MEGF10: variants seen among roughly 807,000 people sequenced by gnomAD.
MEGF10 encodes the protein multiple epidermal growth factor-like domains protein 10.
Under a neutral mutation model 147.5 loss-of-function variants are expected in MEGF10, and 86 were observed. That is an observed-to-expected ratio of 0.58 (90% CI 0.49 to 0.70). The LOEUF is 0.70. Ranked by LOEUF, MEGF10 falls within the 30% of genes least tolerant of loss-of-function variation. MEGF10 has a pLI of 0.00. For missense variants in MEGF10, 1,329 were observed against 1,487.3 expected, an observed-to-expected ratio of 0.89 and a Z score of 1.75; for synonymous variants, 478 against 525.5, an observed-to-expected ratio of 0.91 and a Z score of 1.24.
intron 13 of MEGF10, among the ~76,000 whole-genome samples, chr5:127,425,452 G>A (rs1006612505): frequency 3.3e-5 from 5 of 152,126 alleles, no homozygotes; most frequent in Non-Finnish European, 7.4e-5. Context: ...TCATTTCTGG[G>A]TCTTCTGTGT....
intron 5 of MEGF10, among the ~76,000 whole-genome samples, chr5:127,388,798 G>A (rs192035205): frequency 6.6e-5 from 10 of 152,246 alleles, no homozygotes; most frequent in Admixed American, 5.9e-4. Flanking sequence ...ACCCGCCTCA[G>A]CCTCCCAAAG....
chr5:127,244,978 A>G, the MEGF10 span, among the ~76,000 whole-genome samples: 4 of 152,228 alleles, frequency 2.6e-5, no homozygotes, highest in African/African-American at 9.6e-5. Flanking sequence ...ATGGAAAATC[A>G]TTCCATGCTC....
intron 5 of MEGF10, among the ~76,000 whole-genome samples, chr5:127,381,467 G>T (rs1470817601): frequency 1.3e-5 from 2 of 152,120 alleles, no homozygotes; most frequent in East Asian, 3.9e-4. Flanking sequence ...TTTGCTGGCT[G>T]CCGTGCTCAG....
At chr5:127,425,651 A>G (rs1765186559) in intron 13 of MEGF10, among the ~76,000 whole-genome samples, 1 of 152,270 alleles carries the variant, frequency 6.6e-6, no homozygotes, top group East Asian at 1.9e-4. Flanking sequence ...CAGCTTCTGT[A>G]TATTATTTAC....
At chr5:127,233,108 T>C in the MEGF10 span, among the ~76,000 whole-genome samples, 1 of 152,244 alleles carries the variant, frequency 6.6e-6, no homozygotes, top group African/African-American at 2.4e-5. Flanking sequence ...GAAGTTGTCA[T>C]GAACTGTTGA....
chr5:127,271,600 G>T, the MEGF10 span, among the ~76,000 whole-genome samples: 7 of 151,966 alleles, frequency 4.6e-5, no homozygotes, highest in Non-Finnish European at 1.0e-4. Context: ...TCATGGGAGG[G>T]ACCCAGTGGG....
chr5:127,381,751 AC>A (rs1763273568), intron 5 of MEGF10, among the ~76,000 whole-genome samples: 1 of 151,966 alleles, frequency 6.6e-6, no homozygotes, highest in African/African-American at 2.4e-5. Flanking sequence ...ACTGACTGCA[AC>A]CTCCACCTCC....
chr5:127,449,038 A>T, intron 21 of MEGF10, 61 bp from the exon 22 acceptor site: 3 of 1,597,646 alleles, frequency 1.9e-6, no homozygotes, highest in Non-Finnish European at 2.6e-6. Flanking sequence ...CAGGTCCATA[A>T]CGCTGTGCTG....
At chr5:127,272,952 C>A in the MEGF10 span, among the ~76,000 whole-genome samples, 1 of 152,334 alleles carries the variant, frequency 6.6e-6, no homozygotes, top group Non-Finnish European at 1.5e-5. Context: ...CTGGCCAGAT[C>A]TTCCAATGCT....
chr5:127,247,431 GAAGAAGAAGAAGAAGAAGAAGAAGAAGAA>G, the MEGF10 span, among the ~76,000 whole-genome samples: 1 of 100,466 alleles, frequency 1.0e-5, no homozygotes, highest in African/African-American at 5.1e-5. Context: ...AGAAGAAGAA[GAAGAAGAAGAAGAAGAAGAAGAAGAAGAA>G]GAAGAAGAAG....
chr5:127,416,264 G>A (rs988798986), intron 9 of MEGF10, among the ~76,000 whole-genome samples: 29 of 151,852 alleles, frequency 1.9e-4, no homozygotes, highest in African/African-American at 2.7e-4. Flanking sequence ...TCCTGACCTC[G>A]TGATCCGCCC....
At chr5:127,407,332 G>A (rs1195012205) in intron 8 of MEGF10, among the ~76,000 whole-genome samples, 1 of 152,178 alleles carries the variant, frequency 6.6e-6, no homozygotes, top group Non-Finnish European at 1.5e-5. Context: ...GACATGCACA[G>A]AAGGTCAGGG....
the MEGF10 span, among the ~76,000 whole-genome samples, chr5:127,253,966 T>A: frequency 6.6e-6 from 1 of 152,114 alleles, no homozygotes. Context: ...TTTATTTTTG[T>A]CAAAGTCATA....
chr5:127,440,837 A>G lies in MEGF10; in HGVS notation c.2332A>G (p.Thr778Ala). Reference protein sequence around the residue: ...DHISGQCTCRTGFMGRHCEQK... With the variant: ...DHISGQCTCRAGFMGRHCEQK... ...CATTTCTGGGCAGTGTACTTGCCGC[A>G]CTGGATTCATGGGACGGCACTGTGA... The change falls in exon 18 of 25, where the codon ACT becomes GCT. Residue 778 changes from threonine (T) to alanine (A), a missense_variant. By Grantham distance (58) the Thr-to-Ala change is moderately conservative. Around this residue, in one of 3 missense-constraint regions of MEGF10, gnomAD observed 980 missense variants for 1,085.9 expected, o/e 0.90. Transcript: ENST00000503335. 1.2e-6 allele frequency: 2 copies of G among 1,614,120 alleles called. No individual in the cohort carries two copies. Among genetic ancestry groups the G allele is most frequent in the East Asian group, 2.2e-5 (1 of 44,874 alleles).
chr5:127,380,213 G>A (rs1230691076), intron 5 of MEGF10, among the ~76,000 whole-genome samples: 1 of 152,026 alleles, frequency 6.6e-6, no homozygotes, highest in African/African-American at 2.4e-5. Flanking sequence ...AAATATTTGT[G>A]GATGGAAGGA....
At chr5:127,440,967 G>T in intron 18 of MEGF10, 100 bp downstream of exon 18, 1 of 1,470,566 alleles carries the variant, frequency 6.8e-7, no homozygotes, top group Non-Finnish European at 9.2e-7. Context: ...ACCACTCCGA[G>T]GTTGTTTGAG....
In MEGF10 at chr5:127,432,877, T is replaced by C. The variant is rs1765430305; in HGVS notation, c.1694-486T>C. Reference sequence around the variant, plus strand: ...CAGTGCATCTTTCTGTTCTGCACAATGCACCATCAAGTTATTTTAAGATTA... The same window carrying C: ...CAGTGCATCTTTCTGTTCTGCACAACGCACCATCAAGTTATTTTAAGATTA... On this transcript the variant is annotated intron_variant, in intron 13 of 24. Coordinates refer to ENST00000503335, the MANE Select transcript of MEGF10 (RefSeq NM_001256545.2). 2.6e-5 allele frequency among the ~76,000 whole-genome samples: 4 copies of C among 152,246 alleles called. No individual in the cohort carries two copies. The South Asian group carries it at 8.3e-4, about 31-fold the overall frequency.
At chr5:127,371,314 G>A (rs937321933) in intron 5 of MEGF10, among the ~76,000 whole-genome samples, 3 of 151,318 alleles carry the variant, frequency 2.0e-5, no homozygotes, top group African/African-American at 7.3e-5. Flanking sequence ...TTTTGCTTCT[G>A]TTGGAAATCA....
chr5:127,344,180 C>A (rs1480507556), intron 4 of MEGF10, among the ~76,000 whole-genome samples: 1 of 152,106 alleles, frequency 6.6e-6, no homozygotes, highest in Non-Finnish European at 1.5e-5. Flanking sequence ...GTGAGCTAGA[C>A]CCTAAAGATT....
Sources: gnomAD v4.1 joint callset for allele counts (sites outside exome capture counted in the v4.1 genomes callset) on GRCh38, gnomAD v4.1.1 for gene constraint, gnomAD v4.1.1 regional missense constraint, MANE v1.5 for transcripts, NCBI Gene and HGNC (gene_info 2026-07-23, HGNC 2026-07-21) for gene names.